ADAMTS3: variants seen among roughly 807,000 people sequenced by gnomAD.
The protein encoded by ADAMTS3 is A disintegrin and metalloproteinase with thrombospondin motifs 3.
ADAMTS3 carries 73 observed loss-of-function variants against 129.0 expected under a neutral mutation model. The observed-to-expected ratio is 0.57, with a 90% CI of 0.47 to 0.69. The LOEUF is 0.69. ADAMTS3 is among the 30% of genes least tolerant of loss of function. ADAMTS3 has a pLI of 0.00. For synonymous variants in ADAMTS3, 477 were observed against 510.8 expected, an observed-to-expected ratio of 0.93 and a Z score of 0.89; for missense variants, 1,457 against 1,514.5, an observed-to-expected ratio of 0.96 and a Z score of 0.63.
chr4:72,449,427 T>C (rs1347844704), intron 3 of ADAMTS3, among the ~76,000 whole-genome samples: 2 of 151,598 alleles, frequency 1.3e-5, no homozygotes, highest in Non-Finnish European at 3.0e-5. Context: ...GGCATTATCA[T>C]TGTCTTCTCT....
chr4:72,322,041 A>C (rs942911075), intron 6 of ADAMTS3, among the ~76,000 whole-genome samples: 1 of 152,182 alleles, frequency 6.6e-6, no homozygotes, highest in Non-Finnish European at 1.5e-5. Flanking sequence ...ATAGTTCAGC[A>C]AATGTTATTA....
At chr4:72,549,299 A>AT (rs917972279) in intron 2 of ADAMTS3, among the ~76,000 whole-genome samples, 4 of 152,080 alleles carry the variant, frequency 2.6e-5, no homozygotes, top group African/African-American at 9.7e-5. Flanking sequence ...GATTGTTTTC[A>AT]TTTTTTCCCT....
intron 3 of ADAMTS3, among the ~76,000 whole-genome samples, chr4:72,430,050 T>C (rs891319306): frequency 1.4e-4 from 22 of 152,016 alleles, no homozygotes; most frequent in African/African-American, 5.1e-4. Flanking sequence ...TGAACCCTAT[T>C]GTGTTGAAAA....
intron 3 of ADAMTS3, among the ~76,000 whole-genome samples, chr4:72,541,759 C>T (rs1256010531): frequency 6.6e-6 from 1 of 151,242 alleles, no homozygotes; most frequent in Non-Finnish European, 1.5e-5. Context: ...GTAAGATGTG[C>T]CTTTGTTCCT....
intron 4 of ADAMTS3, among the ~76,000 whole-genome samples, chr4:72,353,506 C>T (rs1425885364): frequency 6.6e-6 from 1 of 151,910 alleles, no homozygotes; most frequent in African/African-American, 2.4e-5. Flanking sequence ...CTGTTTGTTA[C>T]CCTTGGATAA....
At position 72,468,933 on chromosome 4, in the gene ADAMTS3, AG is replaced by A. The variant is rs1212334987; in HGVS notation, c.505-53963del. Among the ~76,000 whole-genome samples, 6 of 152,114 alleles carry A rather than the reference AG, an allele frequency of 3.9e-5. 1 individual carries two copies. Among genetic ancestry groups the A allele is most frequent in the Admixed American group, 2.6e-4 (4 of 15,250 alleles). ...AAGCAGTCTCTGGTTTCCAATAAAA[AG>A]ATGGCACAGCATCTTTCTTACCAAG... On this transcript the variant is annotated intron_variant, in intron 3 of 21. Transcript: ENST00000286657.
intron 5 of ADAMTS3, among the ~76,000 whole-genome samples, chr4:72,337,956 T>C (rs1322662926): frequency 6.6e-6 from 1 of 152,050 alleles, no homozygotes; most frequent in Non-Finnish European, 1.5e-5. Context: ...TTCCAGATAG[T>C]AGAAAAAAAG....
intron 3 of ADAMTS3, among the ~76,000 whole-genome samples, chr4:72,487,461 C>A (rs779533929): frequency 6.6e-6 from 1 of 152,044 alleles, no homozygotes; most frequent in Admixed American, 6.6e-5. Flanking sequence ...ATCAGCAAAA[C>A]AAAATTTCAA....
chr4:72,456,543 A>G (rs141887399), intron 3 of ADAMTS3, among the ~76,000 whole-genome samples: 2 of 150,894 alleles, frequency 1.3e-5, no homozygotes, highest in African/African-American at 2.4e-5. Context: ...AGCATCTGTG[A>G]ATGAGCTGTT....
intron 3 of ADAMTS3, among the ~76,000 whole-genome samples, chr4:72,529,981 A>ATAATATATTATATTTATATATATT (rs1720939513): frequency 1.9e-5 from 1 of 53,786 alleles, no homozygotes; most frequent in Non-Finnish European, 3.1e-5. Flanking sequence ...ATATATAAAT[A>ATAATATATTATATTTATATATATT]TAATATATTA....
intron 4 of ADAMTS3, among the ~76,000 whole-genome samples, chr4:72,408,127 G>A (rs1449428746): frequency 3.3e-5 from 5 of 152,128 alleles, no homozygotes; most frequent in African/African-American, 1.2e-4. Context: ...TAGCCTATGT[G>A]TAGTTCTCAC....
At position 72,452,427 on chromosome 4, in the gene ADAMTS3, C is replaced by A. The variant is rs188839244; in HGVS notation, c.505-37456G>T. Among the ~76,000 whole-genome samples the A allele has an allele frequency of 2.3e-3, 346 of 151,638 alleles. 3 individuals carry two copies. The highest frequency in any genetic ancestry group is 8.2e-3 in the African/African-American group (338 of 41,426). On this transcript the variant is annotated intron_variant, in intron 3 of 21. Transcript: ENST00000286657. The stretch of plus-strand genomic sequence containing the variant: ...CTTATAAACAAAACTGGCCCAATTA[C>A]CTCAAAAAAGTACAAGCCAGAACTC...
intron 4 of ADAMTS3, among the ~76,000 whole-genome samples, chr4:72,383,566 C>G (rs906032705): frequency 1.1e-4 from 17 of 152,190 alleles, no homozygotes; most frequent in African/African-American, 3.9e-4. Flanking sequence ...CCAACAACCT[C>G]TGGCTGACCC....
At position 72,548,763 on chromosome 4, in the gene ADAMTS3, C is replaced by A. The variant is rs1446434179; in HGVS notation, c.219G>T (p.Val73=). 1 of 1,613,948 alleles carries A rather than the reference C, an allele frequency of 6.2e-7. No individual in the cohort carries two copies. The highest frequency in any genetic ancestry group is 2.2e-5 in the East Asian group (1 of 44,882). The change falls in exon 3 of 22, where the codon GTG becomes GTT. Residue 73 remains valine, a synonymous_variant. Transcript: ENST00000286657. Reference sequence around the variant, plus strand: ...AGAACAACTGCTCAGGGTTGGAAGACACGTCCCTCGCTGACCTCTTTTTGT... The same window carrying A: ...AGAACAACTGCTCAGGGTTGGAAGAAACGTCCCTCGCTGACCTCTTTTTGT... ...ASHKKRSARD[V]SSNPEQLFFN... is the part of the protein sequence containing the mutation.
In ADAMTS3 at chr4:72,400,079, T is replaced by C. The variant is rs200270976; in HGVS notation, c.661+14736A>G. On this transcript the variant is annotated intron_variant, in intron 4 of 21. Transcript: ENST00000286657. ...ATATACGTGTGTATATATGCACACA[T>C]GGTGTGTATATACGTGTGTATATAT... Among the ~76,000 whole-genome samples, 56 of 7,330 alleles carry C rather than the reference T, an allele frequency of 7.6e-3. 1 individual carries two copies. Among genetic ancestry groups the C allele is most frequent in the South Asian group, 0.023 (3 of 130 alleles). 4.8% of individuals were successfully genotyped at this position (7,330 alleles called of 152,430 possible).
At chr4:72,535,435 C>T (rs1303494380) in intron 3 of ADAMTS3, among the ~76,000 whole-genome samples, 1 of 152,028 alleles carries the variant, frequency 6.6e-6, no homozygotes, top group Non-Finnish European at 1.5e-5. Flanking sequence ...AATGAGACAC[C>T]CCAGCATCTA....
At chr4:72,455,687 G>C (rs79758039) in intron 3 of ADAMTS3, among the ~76,000 whole-genome samples, 2 of 145,756 alleles carry the variant, frequency 1.4e-5, no homozygotes, top group African/African-American at 5.0e-5. Flanking sequence ...CCTTTCTTCC[G>C]GATTTTTTGA....
chr4:72,477,195 T>G (rs1422021041), intron 3 of ADAMTS3, among the ~76,000 whole-genome samples: 3 of 152,114 alleles, frequency 2.0e-5, no homozygotes, highest in African/African-American at 7.2e-5. Flanking sequence ...GCGGACCTAA[T>G]AGACATTTAC....
chr4:72,529,095 C>T (rs926045422), intron 3 of ADAMTS3, among the ~76,000 whole-genome samples: 1 of 151,952 alleles, frequency 6.6e-6, no homozygotes, highest in Non-Finnish European at 1.5e-5. Flanking sequence ...TGAATATGAA[C>T]CCCTATTTAT....
Sources: gnomAD v4.1 joint callset for allele counts (sites outside exome capture counted in the v4.1 genomes callset) on GRCh38, gnomAD v4.1.1 for gene constraint, MANE v1.5 for transcripts, NCBI Gene and HGNC (gene_info 2026-07-23, HGNC 2026-07-21) for gene names.